Variants in PAPPA observed in about 807,000 individuals in gnomAD.
The protein encoded by PAPPA is pappalysin 1.
PAPPA carries 60 observed loss-of-function variants against 164.0 expected under a neutral mutation model. That is an observed-to-expected ratio of 0.37 (90% CI 0.30 to 0.45). The LOEUF (loss-of-function observed/expected upper bound fraction) is 0.45, where lower values mean the gene tolerates loss of function less well. PAPPA is among the 20% of genes least tolerant of loss of function. The pLI, the probability that PAPPA is intolerant of heterozygous loss-of-function variation, is 1.00. For synonymous variants in PAPPA, 875 were observed against 814.1 expected (o/e 1.07, Z -1.27); for missense variants, 1,782 against 2,087.3 (o/e 0.85, Z 2.85).
Position 116,362,570 on chromosome 9 carries a change from ACT to A in PAPPA, c.4348-19_4348-18del. On this transcript the variant is annotated intron_variant, in intron 17 of 21. Coordinates refer to ENST00000328252, the MANE Select transcript of PAPPA (RefSeq NM_002581.5). The stretch of plus-strand genomic sequence containing the variant: ...GGGGCTGGTGTCTCTCTTGGTCCTA[ACT>A]CTGTTTCTCTGTTGTTCAGGGACTT... 6 of 1,608,918 alleles carry A rather than the reference ACT, an allele frequency of 3.7e-6. No individual in the cohort carries two copies. The highest frequency in any genetic ancestry group is 5.1e-6 in the Non-Finnish European group (6 of 1,177,342).
rs1161798663 is a variant in PAPPA at position 116,397,726 on chromosome 9, G to GTGTT, written c.*1111_*1114dup. 1.3e-5 allele frequency: 2 copies of GTGTT among 152,656 alleles called. No homozygotes were observed. Among genetic ancestry groups the GTGTT allele is most frequent in the Non-Finnish European group, 2.9e-5 (2 of 68,048 alleles). 9.5% of individuals were successfully genotyped at this position (152,656 alleles called of 1,614,324 possible). A position where few individuals can be genotyped will look rare whatever the true frequency, so the allele number is the denominator to read the frequency against. On this transcript the variant is annotated 3_prime_UTR_variant, in exon 22 of 22. Transcript: ENST00000328252. The stretch of plus-strand genomic sequence containing the variant: ...CTGAAAGTCCAGAATGTCTAAGCCA[G>GTGTT]TGTTAGATTTTGTAAACAAGTGGAA...
chr9:116,291,389 T>C (rs1293723453), intron 9 of PAPPA, among the ~76,000 whole-genome samples: 1 of 152,190 alleles, frequency 6.6e-6, no homozygotes, highest in Non-Finnish European at 1.5e-5. Context: ...ATTTTCCCCC[T>C]AATATGTGCT....
At chr9:116,161,867 A>T (rs979835657) in intron 1 of PAPPA, among the ~76,000 whole-genome samples, 1 of 152,212 alleles carries the variant, frequency 6.6e-6, no homozygotes, top group Non-Finnish European at 1.5e-5. Context: ...AGTTAAAAAT[A>T]CTAAAAGTGT....
At chr9:116,287,379 A>G (rs77842376) in intron 9 of PAPPA, 6 of 152,308 alleles carry the variant, frequency 3.9e-5, no homozygotes, top group African/African-American at 1.4e-4. Flanking sequence ...TAAACTGTGA[A>G]TAAAGGACAA....
At chr9:116,170,586 T>C (rs2118588747) in intron 1 of PAPPA, among the ~76,000 whole-genome samples, 1 of 151,386 alleles carries the variant, frequency 6.6e-6, no homozygotes, top group South Asian at 2.1e-4. Flanking sequence ...TAACTCTCCT[T>C]CCCTCCCTTT....
chr9:116,267,255 A>C (rs1286154038), intron 8 of PAPPA, among the ~76,000 whole-genome samples: 2 of 152,224 alleles, frequency 1.3e-5, no homozygotes, highest in Admixed American at 6.5e-5. Flanking sequence ...ATGGAATGTA[A>C]ACTGGAAACC....
intron 20 of PAPPA, among the ~76,000 whole-genome samples, chr9:116,381,519 C>T (rs1846731377): frequency 6.6e-6 from 1 of 152,184 alleles, no homozygotes; most frequent in African/African-American, 2.4e-5. Flanking sequence ...CCTGGACTTT[C>T]CCCTAATAAG....
At chr9:116,284,607 G>A (rs867144612) in intron 9 of PAPPA, among the ~76,000 whole-genome samples, 6 of 118,162 alleles carry the variant, frequency 5.1e-5, no homozygotes, top group African/African-American at 1.7e-4. Flanking sequence ...CTACTTTGAC[G>A]CCCCAAGGGA....
chr9:116,386,325 G>A (rs1463388282), intron 21 of PAPPA, among the ~76,000 whole-genome samples: 2 of 152,056 alleles, frequency 1.3e-5, no homozygotes, highest in African/African-American at 4.8e-5. Context: ...CTCTTTCTTG[G>A]ACACCCCCAA....
intron 1 of PAPPA, among the ~76,000 whole-genome samples, chr9:116,168,439 T>C (rs1843739332): frequency 6.6e-6 from 1 of 152,136 alleles, no homozygotes; most frequent in South Asian, 2.1e-4. Flanking sequence ...ACTAAGCAAT[T>C]AACAGAGTCC....
chr9:116,208,566 A>G (rs1844266580), intron 3 of PAPPA, among the ~76,000 whole-genome samples: 3 of 152,202 alleles, frequency 2.0e-5, no homozygotes, highest in Admixed American at 2.0e-4. Context: ...GAATGTTCCC[A>G]TTATTTACAA....
chr9:116,229,378 C>T (rs1844556968), intron 6 of PAPPA, among the ~76,000 whole-genome samples: 1 of 152,228 alleles, frequency 6.6e-6, no homozygotes, highest in South Asian at 2.1e-4. Context: ...GTGGAGCTAT[C>T]TGATAGACAC....
chr9:116,400,938 C>T lies in PAPPA; in HGVS notation c.*4322C>T, dbSNP rs1231632253. ...TGCAAAATGGGGATAATACTATATA[C>T]CTACCTCACAGTGGGAGGGCAGGAG... is the stretch of plus-strand genomic sequence containing the variant. On this transcript the variant is annotated 3_prime_UTR_variant, in exon 22 of 22. Transcript: ENST00000328252. 6.6e-6 allele frequency: 1 copy of T among 152,498 alleles called. No homozygotes were observed. Among genetic ancestry groups the T allele is most frequent in the Non-Finnish European group, 1.5e-5 (1 of 68,012 alleles). 9.4% of individuals were successfully genotyped at this position (152,498 alleles called of 1,614,324 possible).
At chr9:116,274,809 G>A (rs931836466) in intron 9 of PAPPA, among the ~76,000 whole-genome samples, 2 of 152,204 alleles carry the variant, frequency 1.3e-5, no homozygotes, top group African/African-American at 4.8e-5. Flanking sequence ...GGTAGCTTGA[G>A]TGTGGGTATA....
chr9:116,209,925 C>T (rs1353767606), intron 3 of PAPPA, among the ~76,000 whole-genome samples: 1 of 152,186 alleles, frequency 6.6e-6, no homozygotes, highest in Non-Finnish European at 1.5e-5. Context: ...CAGCTGGACT[C>T]CAGGCTGCCC....
chr9:116,207,411 C>A, intron 2 of PAPPA, 45 bp from the exon 3 acceptor site: 1 of 923,616 alleles, frequency 1.1e-6, no homozygotes, highest in Admixed American at 3.8e-5. Flanking sequence ...GGCCTGTTAT[C>A]TTTTTGGGGG....
intron 2 of PAPPA, among the ~76,000 whole-genome samples, chr9:116,195,450 A>G (rs1844093072): frequency 6.6e-6 from 1 of 152,212 alleles, no homozygotes; most frequent in African/African-American, 2.4e-5. Flanking sequence ...TAGCAAATAA[A>G]TAAGAATACA....
chr9:116,344,951 A>G (rs1400605496), intron 14 of PAPPA, among the ~76,000 whole-genome samples: 1 of 152,212 alleles, frequency 6.6e-6, no homozygotes, highest in Non-Finnish European at 1.5e-5. Flanking sequence ...AATACTTACC[A>G]ATGTTTTTGT....
chr9:116,263,780 G>A (rs1179003321), intron 7 of PAPPA, among the ~76,000 whole-genome samples: 1 of 152,190 alleles, frequency 6.6e-6, no homozygotes, highest in African/African-American at 2.4e-5. Flanking sequence ...TGAGGAAAAG[G>A]AGGAGGAAGA....
Sources: gnomAD v4.1 joint callset for allele counts (sites outside exome capture counted in the v4.1 genomes callset) on GRCh38, gnomAD v4.1.1 for gene constraint, MANE v1.5 for transcripts, NCBI Gene and HGNC (gene_info 2026-07-23, HGNC 2026-07-21) for gene names.